The following PRKCZ variants were observed in gnomAD, a reference collection of about 807,000 sequenced individuals.
PRKCZ encodes protein kinase C zeta type.
In PRKCZ, 33 loss-of-function variants were observed where a neutral mutation model predicts 79.5. The observed-to-expected ratio is 0.41, with a 90% CI of 0.31 to 0.55. PRKCZ has a LOEUF of 0.55. PRKCZ is among the 20% of genes least tolerant of loss of function. The pLI is 0.19. For missense variants in PRKCZ, 578 were observed against 813.5 expected, an observed-to-expected ratio of 0.71 and a Z score of 3.52; for synonymous variants, 342 against 320.9, an observed-to-expected ratio of 1.07 and a Z score of -0.70.
intron 9 of PRKCZ, among the ~76,000 whole-genome samples, chr1:2,152,959 G>A (rs1680195041): frequency 6.6e-6 from 1 of 152,262 alleles, no homozygotes; most frequent in Non-Finnish European, 1.5e-5. Context: ...TCGCGTACAA[G>A]AATCTGTTTG....
chr1:2,098,207 G>GTTAA (rs1666862731), intron 4 of PRKCZ: 1 of 152,188 alleles, frequency 6.6e-6, no homozygotes, highest in South Asian at 2.1e-4. Flanking sequence ...GTACAAGGAA[G>GTTAA]TTAAACTTTA....
chr1:2,079,585 G>A (rs1663094217), intron 4 of PRKCZ, among the ~76,000 whole-genome samples: 1 of 152,268 alleles, frequency 6.6e-6, no homozygotes, highest in African/African-American at 2.4e-5. Context: ...GATGGTAAAA[G>A]GCTTGGCTCC....
chr1:2,073,530 G>T (rs1661819952), intron 4 of PRKCZ: 10 of 753,832 alleles, frequency 1.3e-5, no homozygotes, highest in Non-Finnish European at 1.5e-5. Context: ...TTCAAGGTCC[G>T]CTGAGTCCGA....
intron 4 of PRKCZ, among the ~76,000 whole-genome samples, chr1:2,126,482 C>G (rs1366595232): frequency 3.3e-5 from 5 of 151,986 alleles, no homozygotes; most frequent in Non-Finnish European, 7.4e-5. Flanking sequence ...GGGCTGGGGA[C>G]CCTGCCCCGC....
At chr1:2,163,550 C>T (rs563231338) in intron 10 of PRKCZ, among the ~76,000 whole-genome samples, 14 of 152,222 alleles carry the variant, frequency 9.2e-5, no homozygotes, top group Non-Finnish European at 1.3e-4. Flanking sequence ...AGAGGTGTGA[C>T]TTGTCCTATT....
At chr1:2,142,461 C>A (rs1032634238) in intron 5 of PRKCZ, 1 of 230,536 alleles carries the variant, frequency 4.3e-6, no homozygotes, top group Admixed American at 5.5e-5. Flanking sequence ...GCAGCCGAAG[C>A]GCCTCCTTTC....
At position 2,175,293 on chromosome 1, in the gene PRKCZ, C is replaced by T. The variant is rs376894109; in HGVS notation, c.1555C>T (p.Arg519Cys). The T allele has an allele frequency of 3.1e-6, 5 of 1,613,458 alleles. No homozygotes were observed. In the African/African-American group the frequency reaches 4.0e-5, roughly 13 times the overall value. The change falls in exon 16 of 18, where the codon CGC (arginine) becomes TGC (cysteine). Residue 519 changes from arginine to cysteine, a missense_variant. Coordinates refer to ENST00000378567, the MANE Select transcript of PRKCZ (RefSeq NM_002744.6). ...FSDIKSHAFFRSIDWDLLEKK... is the reference protein window; with the variant it reads ...FSDIKSHAFFCSIDWDLLEKK... ...TGACATCAAGTCCCACGCGTTCTTCCGCAGCATAGACTGGGACTTGGTAAA... is the reference window on the plus strand; with the variant it reads ...TGACATCAAGTCCCACGCGTTCTTCTGCAGCATAGACTGGGACTTGGTAAA...
At chr1:2,095,781 TCCTCTGC>T (rs1666368411) in intron 4 of PRKCZ, among the ~76,000 whole-genome samples, 2 of 127,212 alleles carry the variant, frequency 1.6e-5, no homozygotes, top group African/African-American at 6.0e-5. Context: ...TCCTCTTCCC[TCCTCTGC>T]CCTCTGCTCC....
Position 2,172,178 on chromosome 1 carries a change from C to T in PRKCZ, c.1185C>T (p.Tyr395=), listed in dbSNP as rs747054871. The change falls in exon 12 of 18, where the codon TAC becomes TAT. Residue 395 remains tyrosine, a synonymous_variant. Coordinates refer to ENST00000378567, the MANE Select transcript of PRKCZ (RefSeq NM_002744.6). This position sits in a 1 kb window ranked among gnomAD's most constrained non-coding sequence, Gnocchi z 7.8. ...ACGGGCACATCAAGCTCACAGACTA[C>T]GGCATGTGCAAGGTGCGTGCCTTGG... is the stretch of plus-strand genomic sequence containing the variant. ...DADGHIKLTD[Y]GMCKEGLGPG... The T allele has an allele frequency of 6.8e-6, 11 of 1,613,044 alleles. No homozygotes were observed. The highest frequency in any genetic ancestry group is 2.2e-5 in the East Asian group (1 of 44,872).
chr1:2,144,833 T>A, intron 6 of PRKCZ: 1 of 180,584 alleles, frequency 5.5e-6, no homozygotes, highest in Non-Finnish European at 1.1e-5. Context: ...TCCAGGCCTT[T>A]GGGGGCCTTA....
chr1:2,056,636 G>T, intron 3 of PRKCZ, 63 bp downstream of exon 3: 3 of 1,418,200 alleles, frequency 2.1e-6, no homozygotes, highest in Non-Finnish European at 2.9e-6. Flanking sequence ...GGTGTCTGCC[G>T]ACTAGCTGGG....
chr1:2,151,024 C>T, intron 9 of PRKCZ, 46 bp downstream of exon 9: 1 of 1,597,708 alleles, frequency 6.3e-7, no homozygotes, highest in Non-Finnish European at 8.5e-7. Context: ...GAACGCGCTG[C>T]CCTGGGGCCT....
At position 2,172,382 on chromosome 1, in the gene PRKCZ, G is replaced by A. The variant is rs1375146891; in HGVS notation, c.1279G>A (p.Glu427Lys). The stretch of plus-strand genomic sequence containing the variant: ...CGCCCCCGAAATCCTGCGGGGAGAG[G>A]AGTACGGTGAGTGCCGCTGCCCTGG... ...YIAPEILRGEEYGFSVDWWAL... is the reference protein window; with the variant it reads ...YIAPEILRGEKYGFSVDWWAL... The change falls in exon 13 of 18, where the codon GAG becomes AAG. Residue 427 changes from glutamate (E) to lysine (K), a missense_variant. By Grantham distance (56) the Glu-to-Lys change is moderately conservative (BLOSUM62 1). Coordinates refer to ENST00000378567, the MANE Select transcript of PRKCZ (RefSeq NM_002744.6). The surrounding 1 kb of genome is among the most constrained non-coding windows in gnomAD (Gnocchi z 7.8). 6.2e-7 allele frequency: 1 copy of A among 1,612,382 alleles called. No individual in the cohort carries two copies. The highest frequency in any genetic ancestry group is 8.5e-7 in the Non-Finnish European group (1 of 1,179,528).
At chr1:2,076,301 G>A (rs1405594114) in intron 4 of PRKCZ, among the ~76,000 whole-genome samples, 2 of 152,218 alleles carry the variant, frequency 1.3e-5, no homozygotes, top group African/African-American at 2.4e-5. Flanking sequence ...ACATGGCAGG[G>A]GGAAGTGGAA....
Position 2,172,224 on chromosome 1 carries a change from C to T in PRKCZ, c.1197+34C>T, listed in dbSNP as rs371805567. ...CTTGGACCGCCTCCCCTGACCATCC[C>T]GCATGTGCGTCTCGGGGCGCCTGTC... is the stretch of plus-strand genomic sequence containing the variant. On this transcript the variant is annotated intron_variant, in intron 12 of 17. Transcript: ENST00000378567. This position sits in a 1 kb window ranked among gnomAD's most constrained non-coding sequence, Gnocchi z 7.8. The T allele has an allele frequency of 5.4e-5, 87 of 1,613,452 alleles. 1 individual carries two copies. In the African/African-American group the frequency reaches 8.0e-4, roughly 15 times the overall value.
intron 4 of PRKCZ, among the ~76,000 whole-genome samples, chr1:2,122,648 T>TCAC (rs1557619035): frequency 1.1e-4 from 1 of 9,066 alleles, no homozygotes; most frequent in Non-Finnish European, 1.7e-4. Context: ...GTGGTTAGGG[T>TCAC]TGTGGTGGTT....
At chr1:2,097,125 G>T (rs1340154410) in intron 4 of PRKCZ, among the ~76,000 whole-genome samples, 1 of 152,254 alleles carries the variant, frequency 6.6e-6, no homozygotes, top group East Asian at 1.9e-4. Context: ...ATACCAGGTT[G>T]TCTTGGGGCC....
At chr1:2,114,053 G>A (rs764969541) in intron 4 of PRKCZ, among the ~76,000 whole-genome samples, 7 of 152,150 alleles carry the variant, frequency 4.6e-5, no homozygotes, top group Non-Finnish European at 1.0e-4. Context: ...GTGGCGCGTG[G>A]GTGAGGGTAT....
At chr1:2,054,063 C>A (rs1007870426) in intron 1 of PRKCZ, among the ~76,000 whole-genome samples, 1 of 152,098 alleles carries the variant, frequency 6.6e-6, no homozygotes, top group Non-Finnish European at 1.5e-5. Flanking sequence ...GTCAGGGCCG[C>A]GGCTGTGGAC....
Sources: allele counts gnomAD v4.1 joint callset (sites outside exome capture counted in the v4.1 genomes callset), GRCh38; gene constraint gnomAD v4.1.1; non-coding constraint Gnocchi (gnomAD v3.1); transcripts MANE v1.5; gene names NCBI Gene and HGNC (gene_info 2026-07-23, HGNC 2026-07-21).